Variants in IRAK4 observed in about 807,000 individuals in gnomAD.
IRAK4 encodes interleukin 1 receptor associated kinase 4.
A neutral mutation model predicts 51.8 loss-of-function variants in IRAK4; 44 were observed. The ratio of observed to expected loss-of-function variants is 0.85; its 90% CI spans 0.67 to 1.09. IRAK4 has a LOEUF of 1.09. Ranked by LOEUF, IRAK4 falls within the 50% of genes least tolerant of loss-of-function variation. The pLI, the probability that IRAK4 is intolerant of heterozygous loss-of-function variation, is 0.00. For missense variants in IRAK4, 487 were observed against 538.0 expected (o/e 0.91, Z 0.94); for synonymous variants, 149 against 174.1 (o/e 0.86, Z 1.13).
At chr12:43,771,588 T>C (rs1219538198) in intron 3 of IRAK4, among the ~76,000 whole-genome samples, 1 of 152,210 alleles carries the variant, frequency 6.6e-6, no homozygotes, top group Admixed American at 6.5e-5. Flanking sequence ...GTTAGATAGT[T>C]TTGTGCCAAC....
At position 43,771,230 on chromosome 12, in the gene IRAK4, G is replaced by A; in HGVS notation, c.172G>A (p.Ala58Thr). Residue 58 changes from alanine (A) to threonine (T), a missense_variant, in exon 3 of 12, where the codon GCA (alanine) becomes ACA (threonine). Ala to Thr is a moderately conservative substitution (Grantham distance 58). Transcript: ENST00000613694. ...TTACTTACTTTTAAGGAGATTTGAA[G>A]CATTACTTCAAACTGGAAAAAGTCC... ...YNQFHIRRFE[A>T]LLQTGKSPTS... 3 of 1,613,744 alleles carry A rather than the reference G, an allele frequency of 1.9e-6. No homozygotes were observed. Among genetic ancestry groups the A allele is most frequent in the Non-Finnish European group, 2.5e-6 (3 of 1,179,746 alleles).
At chr12:43,776,723 TAGGATGTATA>T (rs1333836190) in intron 6 of IRAK4, among the ~76,000 whole-genome samples, 9 of 152,246 alleles carry the variant, frequency 5.9e-5, no homozygotes, top group Non-Finnish European at 1.0e-4. Flanking sequence ...ACTTTAAATT[TAGGATGTATA>T]ACTCTGAGCC....
chr12:43,779,824 A>G (rs1469541423), intron 8 of IRAK4, among the ~76,000 whole-genome samples: 1 of 152,246 alleles, frequency 6.6e-6, no homozygotes, highest in Non-Finnish European at 1.5e-5. Flanking sequence ...GATGGTAGAC[A>G]GTGTGATATA....
chr12:43,768,081 A>G (rs756704485), intron 1 of IRAK4, 22 bp from the exon 2 acceptor site: 1 of 1,589,488 alleles, frequency 6.3e-7, no homozygotes, highest in South Asian at 1.1e-5. Flanking sequence ...TAAAATTTTA[A>G]TGAGATTTTT....
intron 5 of IRAK4, 30 bp from the exon 6 acceptor site, chr12:43,773,935 A>C (rs377016255): frequency 9.4e-6 from 13 of 1,388,084 alleles, no homozygotes; most frequent in Middle Eastern, 2.1e-4. Context: ...AGAATTGTGT[A>C]GTATTACATT....
At chr12:43,764,269 C>T (rs1592211581) in intron 1 of IRAK4, among the ~76,000 whole-genome samples, 2 of 152,040 alleles carry the variant, frequency 1.3e-5, no homozygotes, top group South Asian at 2.1e-4. Context: ...ACCAAAAATA[C>T]AAGAATTAGC....
At chr12:43,768,526 G>C (rs4251572) in intron 2 of IRAK4, 8 of 322,418 alleles carry the variant, frequency 2.5e-5, no homozygotes, top group Admixed American at 4.6e-5. Context: ...CACCTTTGCT[G>C]TGGTTCCCTG....
At chr12:43,784,304 C>G (rs1054675937) in intron 10 of IRAK4, among the ~76,000 whole-genome samples, 3 of 152,168 alleles carry the variant, frequency 2.0e-5, no homozygotes, top group African/African-American at 7.2e-5. Flanking sequence ...TTCTCCCCAC[C>G]AACAAGCAGG....
chr12:43,785,892 A>G (rs938258171), intron 10 of IRAK4, among the ~76,000 whole-genome samples: 3 of 152,050 alleles, frequency 2.0e-5, no homozygotes, highest in Non-Finnish European at 4.4e-5. Context: ...GTGTATGTAA[A>G]CATAAAAGAG....
At chr12:43,763,676 C>T (rs931613636) in intron 1 of IRAK4, among the ~76,000 whole-genome samples, 1 of 151,860 alleles carries the variant, frequency 6.6e-6, no homozygotes, top group African/African-American at 2.4e-5. Context: ...TGCATGCTCT[C>T]CTCCCTCTCT....
rs1942390138 is a variant in IRAK4 at position 43,789,019 on chromosome 12, C to G, written c.*2304C>G. The G allele has an allele frequency of 6.6e-6, 1 of 151,986 alleles. No individual in the cohort carries two copies. The highest frequency in any genetic ancestry group is 1.5e-5 in the Non-Finnish European group (1 of 68,012). 9.4% of individuals were successfully genotyped at this position (151,986 alleles called of 1,614,324 possible). A position where few individuals can be genotyped will look rare whatever the true frequency, so the allele number is the denominator to read the frequency against. Reference sequence around the variant, plus strand: ...CTTGAGTCTCAAATGAGACTTAGGACTTTTGAGTGATGCTAGAATGAGTTA... The same window carrying G: ...CTTGAGTCTCAAATGAGACTTAGGAGTTTTGAGTGATGCTAGAATGAGTTA... On this transcript the variant is annotated 3_prime_UTR_variant, in exon 12 of 12. Transcript: ENST00000613694.
chr12:43,767,460 C>G (rs1940276020), intron 1 of IRAK4, among the ~76,000 whole-genome samples: 1 of 152,158 alleles, frequency 6.6e-6, no homozygotes, highest in Admixed American at 6.5e-5. Flanking sequence ...AATAAAGATT[C>G]TGTCTAGAGA....
intron 2 of IRAK4, among the ~76,000 whole-genome samples, chr12:43,769,814 C>T (rs1028397103): frequency 1.6e-4 from 25 of 152,258 alleles, no homozygotes; most frequent in African/African-American, 5.8e-4. Context: ...GGATGTGATA[C>T]AATGGGAAAG....
chr12:43,763,508 T>A (rs1014559785), intron 1 of IRAK4: 2 of 152,196 alleles, frequency 1.3e-5, no homozygotes, highest in Admixed American at 1.3e-4. Context: ...ATGATTATTT[T>A]AAATGAATTA....
Position 43,772,328 on chromosome 12 carries a change from T to C in IRAK4, c.456T>C (p.Ser152=), listed in dbSNP as rs763971241. ...EQSYMPPDSS[S]PENKSLEVSD... is the part of the protein sequence containing the mutation. ...GCTATATGCCACCTGACTCCTCAAG[T>C]CCAGAAAATAAAAGTTTAGAAGTTA... is the stretch of plus-strand genomic sequence containing the variant. The change falls in exon 4 of 12, where the codon AGT becomes AGC. Residue 152 remains serine (S), a synonymous_variant. Coordinates refer to ENST00000613694, the MANE Select transcript of IRAK4 (RefSeq NM_016123.4). 1 of 1,613,402 alleles carries C rather than the reference T, an allele frequency of 6.2e-7. No homozygotes were observed. The highest frequency in any genetic ancestry group is 8.5e-7 in the Non-Finnish European group (1 of 1,179,918).
rs990866982 is a variant in IRAK4, at chr12:43,786,661, T to G, written c.1348-19T>G. On this transcript the variant is annotated intron_variant, in intron 11 of 11. Coordinates refer to ENST00000613694, the MANE Select transcript of IRAK4 (RefSeq NM_016123.4). ...ACTGTATAATGTGGTTCTTTTGTTT[T>G]TTTCTTTCTTTTTAAAAGGTTCAAC... 1 of 1,612,734 alleles carries G rather than the reference T, an allele frequency of 6.2e-7. No homozygotes were observed. Among genetic ancestry groups the G allele is most frequent in the African/African-American group, 1.3e-5 (1 of 74,816 alleles).
chr12:43,779,245 A>G lies in IRAK4; in HGVS notation c.941+943A>G, dbSNP rs4251509. On this transcript the variant is annotated intron_variant, in intron 8 of 11. Coordinates refer to ENST00000613694, the MANE Select transcript of IRAK4 (RefSeq NM_016123.4). Reference sequence around the variant, plus strand: ...GCCAGTGCTCCCCAGCCTGGGTAATAAAGTAAGACTCTGTCTAAAAAAAAA... The same window carrying G: ...GCCAGTGCTCCCCAGCCTGGGTAATGAAGTAAGACTCTGTCTAAAAAAAAA... Among the ~76,000 whole-genome samples the G allele has an allele frequency of 2.0e-3, 309 of 152,254 alleles. 1 individual carries two copies. Among genetic ancestry groups the G allele is most frequent in the African/African-American group, 7.2e-3 (298 of 41,560 alleles).
intron 5 of IRAK4, among the ~76,000 whole-genome samples, chr12:43,773,404 C>G (rs937636633): frequency 2.0e-5 from 3 of 151,966 alleles, no homozygotes; most frequent in Non-Finnish European, 4.4e-5. Context: ...TTTAAAAAAC[C>G]TTGTTTGCAT....
chr12:43,772,841 A>T, intron 4 of IRAK4, 71 bp from the exon 5 acceptor site: 1 of 1,131,224 alleles, frequency 8.8e-7, no homozygotes, highest in Non-Finnish European at 1.3e-6. Context: ...TGAAATCTTC[A>T]AATGAGAAAA....
Sources: gnomAD v4.1 joint callset for allele counts (sites outside exome capture counted in the v4.1 genomes callset) on GRCh38, gnomAD v4.1.1 for gene constraint, MANE v1.5 for transcripts, NCBI Gene and HGNC (gene_info 2026-07-23, HGNC 2026-07-21) for gene names.